The following SAMD8 variants were observed in gnomAD, a reference collection of about 807,000 sequenced individuals.
SAMD8 encodes sphingomyelin synthase-related protein 1.
Under a neutral mutation model 42.0 loss-of-function variants are expected in SAMD8, and 20 were observed. The observed-to-expected ratio is 0.48, with a 90% CI of 0.34 to 0.69. SAMD8 has a LOEUF of 0.69. Ranked by LOEUF, SAMD8 falls within the 30% of genes least tolerant of loss-of-function variation. SAMD8 has a pLI of 0.01. For synonymous variants in SAMD8, 162 were observed against 173.0 expected, an observed-to-expected ratio of 0.94 and a Z score of 0.50; for missense variants, 328 against 511.6, an observed-to-expected ratio of 0.64 and a Z score of 3.46.
At chr10:75,111,520 C>G (rs1848766122), upstream of SAMD8, 2 of 1,230,532 alleles carry the variant, frequency 1.6e-6, no homozygotes, top group Non-Finnish European at 2.0e-6. Flanking sequence ...CGAGCAGCTG[C>G]CGGCGCGGCG....
At chr10:75,143,892 C>T (rs559881509) in intron 1 of SAMD8, among the ~76,000 whole-genome samples, 3 of 151,936 alleles carry the variant, frequency 2.0e-5, no homozygotes, top group Admixed American at 6.6e-5. Flanking sequence ...TGTTGTTCCA[C>T]CTCTCACTGA....
intron 2 of SAMD8, among the ~76,000 whole-genome samples, chr10:75,162,483 C>G (rs1840580244): frequency 6.6e-6 from 1 of 151,894 alleles, no homozygotes; most frequent in South Asian, 2.1e-4. Flanking sequence ...AACCCCATCT[C>G]TACTAAAAAT....
intron 1 of SAMD8, among the ~76,000 whole-genome samples, chr10:75,132,735 T>A (rs999414011): frequency 6.6e-6 from 1 of 151,940 alleles, no homozygotes; most frequent in Non-Finnish European, 1.5e-5. Context: ...ACGGCTGTAA[T>A]CCCAGCACTT....
At chr10:75,120,228 T>C (rs755239665) in intron 1 of SAMD8, among the ~76,000 whole-genome samples, 1 of 152,216 alleles carries the variant, frequency 6.6e-6, no homozygotes, top group Non-Finnish European at 1.5e-5. Flanking sequence ...TGCTTTCAGG[T>C]ATCAACAGTA....
intron 2 of SAMD8, among the ~76,000 whole-genome samples, chr10:75,160,662 C>T (rs958909689): frequency 4.6e-5 from 7 of 152,104 alleles, no homozygotes; most frequent in African/African-American, 1.7e-4. Context: ...ACTGTATAAT[C>T]CCATGAAAGC....
chr10:75,115,639 A>G (rs563056871), intron 1 of SAMD8, among the ~76,000 whole-genome samples: 85 of 152,280 alleles, frequency 5.6e-4, no homozygotes, highest in Admixed American at 1.9e-3. Context: ...GGTCCTCACA[A>G]TACTATAGAA....
chr10:75,103,971 C>T (rs781291174), intron 1 of SAMD8: 35 of 1,335,172 alleles, frequency 2.6e-5, no homozygotes, highest in Middle Eastern at 2.1e-4. Flanking sequence ...GCTCTAGGGC[C>T]GACCCCACGC....
At chr10:75,155,782 A>G (rs1840398277) in intron 2 of SAMD8, among the ~76,000 whole-genome samples, 1 of 152,246 alleles carries the variant, frequency 6.6e-6, no homozygotes, top group African/African-American at 2.4e-5. Flanking sequence ...TGAGTAGACT[A>G]TCATACATCT....
At chr10:75,161,625 A>G (rs1475349166) in intron 2 of SAMD8, among the ~76,000 whole-genome samples, 6 of 152,206 alleles carry the variant, frequency 3.9e-5, no homozygotes, top group Non-Finnish European at 8.8e-5. Context: ...CGTGTTTTCA[A>G]GAGAAATAAG....
At chr10:75,142,193 C>G (rs1840031189) in intron 1 of SAMD8, among the ~76,000 whole-genome samples, 1 of 152,040 alleles carries the variant, frequency 6.6e-6, no homozygotes, top group Non-Finnish European at 1.5e-5. Context: ...GGTGATCCGC[C>G]TGTCTCAGCT....
chr10:75,163,293 T>G (rs1397751413), intron 2 of SAMD8, among the ~76,000 whole-genome samples: 1 of 152,198 alleles, frequency 6.6e-6, no homozygotes, highest in Non-Finnish European at 1.5e-5. Flanking sequence ...AGAAAAGTTT[T>G]TAGTAGAAAT....
At chr10:75,109,794 A>T (rs1848719679), upstream of SAMD8, among the ~76,000 whole-genome samples, 1 of 150,536 alleles carries the variant, frequency 6.6e-6, no homozygotes, top group African/African-American at 2.5e-5. Flanking sequence ...CACAAGATTC[A>T]TGGGGGGAGG....
At chr10:75,144,847 C>T (rs930159648) in intron 1 of SAMD8, among the ~76,000 whole-genome samples, 5 of 152,058 alleles carry the variant, frequency 3.3e-5, no homozygotes, top group East Asian at 1.9e-4. Flanking sequence ...TTTATAGAGA[C>T]GAGGTCTCAC....
intron 1 of SAMD8, among the ~76,000 whole-genome samples, chr10:75,113,493 C>T (rs1340910470): frequency 6.6e-6 from 1 of 151,860 alleles, no homozygotes; most frequent in Non-Finnish European, 1.5e-5. Flanking sequence ...TGCAGGTGGG[C>T]GCCACCATGG....
chr10:75,158,699 CTCA>C (rs1840478688), intron 2 of SAMD8, among the ~76,000 whole-genome samples: 1 of 152,136 alleles, frequency 6.6e-6, no homozygotes, highest in African/African-American at 2.4e-5. Flanking sequence ...TGGGAAGAAA[CTCA>C]TACCCATTAG....
upstream of SAMD8, chr10:75,108,278 C>A: frequency 6.6e-7 from 1 of 1,523,258 alleles, no homozygotes; most frequent in Admixed American, 2.1e-5. Context: ...TGTGCCTGGC[C>A]CCCTGCTGCA....
intron 1 of SAMD8, among the ~76,000 whole-genome samples, chr10:75,134,650 T>C (rs1849346356): frequency 6.6e-6 from 1 of 151,978 alleles, no homozygotes; most frequent in Admixed American, 6.6e-5. Context: ...AAAAAAAGAT[T>C]ACAGTTAGAT....
chr10:75,168,794 A>C, intron 4 of SAMD8, 136 bp downstream of exon 4: 1 of 603,286 alleles, frequency 1.7e-6, no homozygotes, highest in Non-Finnish European at 3.0e-6. Context: ...AAACTATAGA[A>C]ATAATTTGGT....
intron 1 of SAMD8, among the ~76,000 whole-genome samples, chr10:75,127,928 A>T (rs1849182534): frequency 6.6e-6 from 1 of 152,202 alleles, no homozygotes; most frequent in Admixed American, 6.5e-5. Flanking sequence ...CAGTGCAGTT[A>T]ACTCTTCCTA....
Sources: allele counts gnomAD v4.1 joint callset (sites outside exome capture counted in the v4.1 genomes callset), GRCh38; gene constraint gnomAD v4.1.1; transcripts MANE v1.5; gene names NCBI Gene and HGNC (gene_info 2026-07-23, HGNC 2026-07-21).